The following GRIK1 variants were observed in gnomAD, a reference collection of about 807,000 sequenced individuals.
GRIK1 encodes the protein glutamate ionotropic receptor kainate type subunit 1.
GRIK1 carries 69 observed loss-of-function variants against 105.7 expected under a neutral mutation model. That is an observed-to-expected ratio of 0.65 (90% CI 0.54 to 0.80). GRIK1 has a LOEUF of 0.80. Ranked by LOEUF, GRIK1 falls within the 30% of genes least tolerant of loss-of-function variation. The probability of loss-of-function intolerance (pLI) is 0.00; values close to 1 mark genes in which losing one functional copy is unlikely to be tolerated. For missense variants in GRIK1, 1,109 were observed against 1,167.3 expected (o/e 0.95, Z 0.73); for synonymous variants, 438 against 431.3 (o/e 1.02, Z -0.19).
chr21:29,909,419 T>C (rs2070742032), intron 1 of GRIK1, among the ~76,000 whole-genome samples: 1 of 151,686 alleles, frequency 6.6e-6, no homozygotes, highest in Non-Finnish European at 1.5e-5. Context: ...TAATATGTAA[T>C]TATGTTACAT....
intron 13 of GRIK1, among the ~76,000 whole-genome samples, chr21:29,580,186 C>T (rs1161495804): frequency 6.8e-6 from 1 of 146,910 alleles, no homozygotes; most frequent in Admixed American, 6.9e-5. Flanking sequence ...TATATATTTT[C>T]TAATGTCAGA....
rs544475652 is a variant in GRIK1, at chr21:29,892,019, A to T, written c.118+47364T>A. ...AAAGTGTATTTGATTCTCATAATGA[A>T]AGGACTTTGCATTAATAATATTTCC... On this transcript the variant is annotated intron_variant, in intron 1 of 17. Transcript: ENST00000327783. 2.0e-5 allele frequency among the ~76,000 whole-genome samples: 3 copies of T among 152,308 alleles called. No homozygotes were observed. In the East Asian group the frequency reaches 5.8e-4, roughly 29 times the overall value.
chr21:29,799,782 A>G (rs2066654634), intron 1 of GRIK1, among the ~76,000 whole-genome samples: 2 of 152,140 alleles, frequency 1.3e-5, no homozygotes, highest in African/African-American at 4.8e-5. Flanking sequence ...CACCTGCCTT[A>G]GCCTCCCTCC....
intron 1 of GRIK1, among the ~76,000 whole-genome samples, chr21:29,694,600 C>A (rs913289768): frequency 6.6e-6 from 1 of 152,158 alleles, no homozygotes; most frequent in African/African-American, 2.4e-5. Flanking sequence ...GGACTGTATA[C>A]CATCTCTCAG....
intron 1 of GRIK1, among the ~76,000 whole-genome samples, chr21:29,805,259 G>A (rs1337031258): frequency 6.6e-6 from 1 of 152,138 alleles, no homozygotes; most frequent in Non-Finnish European, 1.5e-5. Flanking sequence ...CATGTGATAT[G>A]TGGTTATAAA....
At chr21:29,615,500 G>A (rs770975323) in intron 7 of GRIK1, among the ~76,000 whole-genome samples, 2 of 152,008 alleles carry the variant, frequency 1.3e-5, no homozygotes, top group African/African-American at 4.8e-5. Context: ...GTAGAGACAG[G>A]GTTTTACCAT....
intron 7 of GRIK1, among the ~76,000 whole-genome samples, chr21:29,611,124 C>A: frequency 6.6e-6 from 1 of 152,160 alleles, no homozygotes; most frequent in Non-Finnish European, 1.5e-5. Flanking sequence ...TTCAAAGTCA[C>A]ATGGGATCAT....
chr21:29,785,902 T>C (rs908141412), intron 1 of GRIK1, among the ~76,000 whole-genome samples: 4 of 152,216 alleles, frequency 2.6e-5, no homozygotes, highest in Admixed American at 6.5e-5. Flanking sequence ...TGTCAGTTTC[T>C]GGTAGCTCCA....
chr21:29,905,953 G>A (rs1342281125), intron 1 of GRIK1, among the ~76,000 whole-genome samples: 1 of 141,944 alleles, frequency 7.0e-6, no homozygotes, highest in Non-Finnish European at 1.5e-5. Context: ...TTGTTTGTTT[G>A]TTTGTTTGTT....
At chr21:29,843,944 A>G (rs1172077189) in intron 1 of GRIK1, among the ~76,000 whole-genome samples, 1 of 152,128 alleles carries the variant, frequency 6.6e-6, no homozygotes, top group African/African-American at 2.4e-5. Flanking sequence ...GTGCTGTCAC[A>G]TCCAAGTTTT....
chr21:29,751,882 G>A (rs1362131216), intron 1 of GRIK1, among the ~76,000 whole-genome samples: 1 of 152,084 alleles, frequency 6.6e-6, no homozygotes, highest in African/African-American at 2.4e-5. Context: ...CTTTCGAGAC[G>A]CTAGCTGTCT....
At chr21:29,763,996 A>G (rs539006657) in intron 1 of GRIK1, 17 of 152,072 alleles carry the variant, frequency 1.1e-4, no homozygotes, top group African/African-American at 3.8e-4. Context: ...ATTTTCCAAG[A>G]AAGACACCAA....
chr21:29,600,096 A>G (rs2061491827), intron 7 of GRIK1, among the ~76,000 whole-genome samples: 1 of 152,124 alleles, frequency 6.6e-6, no homozygotes. Context: ...AACAAAAACA[A>G]AAACAAAAAA....
intron 1 of GRIK1, among the ~76,000 whole-genome samples, chr21:29,701,116 G>A (rs2832427): frequency 2.0e-5 from 3 of 152,006 alleles, no homozygotes; most frequent in Non-Finnish European, 4.4e-5. Context: ...TGAATAACTC[G>A]CTCATCCAAT....
intron 7 of GRIK1, among the ~76,000 whole-genome samples, chr21:29,641,781 G>A (rs953861464): frequency 1.3e-5 from 2 of 152,116 alleles, no homozygotes; most frequent in African/African-American, 4.8e-5. Context: ...CATCCCGCCT[G>A]CTTTATCCTC....
chr21:29,564,481 T>C (rs1239797576), intron 14 of GRIK1, among the ~76,000 whole-genome samples: 1 of 152,250 alleles, frequency 6.6e-6, no homozygotes, highest in African/African-American at 2.4e-5. Context: ...ACGAGTGTTG[T>C]AAATTGTTAG....
intron 1 of GRIK1, among the ~76,000 whole-genome samples, chr21:29,895,071 G>C (rs1289570253): frequency 6.6e-6 from 1 of 152,166 alleles, no homozygotes; most frequent in Non-Finnish European, 1.5e-5. Context: ...GGTGGTGGCA[G>C]GGGGCTCAGA....
At chr21:29,853,337 G>A (rs920473951) in intron 1 of GRIK1, among the ~76,000 whole-genome samples, 17 of 152,160 alleles carry the variant, frequency 1.1e-4, no homozygotes, top group Admixed American at 3.3e-4. Context: ...TCCGTACATC[G>A]TAGGATATGT....
chr21:29,798,389 G>A (rs553754395), intron 1 of GRIK1, among the ~76,000 whole-genome samples: 21 of 152,208 alleles, frequency 1.4e-4, no homozygotes, highest in Non-Finnish European at 2.4e-4. Context: ...TTACTTTAAT[G>A]TAAGTAGTGC....
Sources: allele counts gnomAD v4.1 joint callset (sites outside exome capture counted in the v4.1 genomes callset), GRCh38; gene constraint gnomAD v4.1.1; transcripts MANE v1.5; gene names NCBI Gene and HGNC (gene_info 2026-07-23, HGNC 2026-07-21).